BAZ2A: variants seen among roughly 807,000 people sequenced by gnomAD.
BAZ2A encodes the protein bromodomain adjacent to zinc finger domain 2A.
In BAZ2A, 34 loss-of-function variants were observed where a neutral mutation model predicts 199.9. The observed-to-expected ratio is 0.17, with a 90% CI of 0.13 to 0.23. BAZ2A has a LOEUF of 0.23. BAZ2A is among the 10% of genes least tolerant of loss of function. The probability of loss-of-function intolerance (pLI) is 1.00; values close to 1 mark genes in which losing one functional copy is unlikely to be tolerated. For synonymous variants in BAZ2A, 857 were observed against 883.9 expected (o/e 0.97, Z 0.54); for missense variants, 2,002 against 2,391.1 (o/e 0.84, Z 3.39).
chr12:56,624,237 T>C (rs1416995048), intron 1 of BAZ2A, among the ~76,000 whole-genome samples: 1 of 152,088 alleles, frequency 6.6e-6, no homozygotes, highest in Non-Finnish European at 1.5e-5. Context: ...GCTCAAAATA[T>C]CCATCCTCTC....
chr12:56,601,373 A>C lies in BAZ2A; in HGVS notation c.4101T>G (p.Cys1367Trp), dbSNP rs1338884362. The change falls in exon 21 of 29, where the codon TGT (cysteine) becomes TGG (tryptophan). Residue 1367 changes from cysteine (C) to tryptophan (W), a missense_variant. Transcript: ENST00000549884. The part of the protein sequence containing the change: ...PMNRPSAANP[C>W]SPVQFSSTPL... ...GCGTGGAAGAGAACTGCACTGGAGA[A>C]CAAGGGTTGGCAGCACTAGGTCTAT... 5.6e-6 allele frequency: 9 copies of C among 1,613,806 alleles called. No homozygotes were observed. Among genetic ancestry groups the C allele is most frequent in the African/African-American group, 5.3e-5 (4 of 74,950 alleles).
chr12:56,623,864 T>A (rs1014754366), intron 1 of BAZ2A, among the ~76,000 whole-genome samples: 2 of 152,118 alleles, frequency 1.3e-5, no homozygotes, highest in African/African-American at 4.8e-5. Flanking sequence ...CTTGGGAAAG[T>A]TCCAAGTTTT....
rs367566198 is a variant in BAZ2A at position 56,628,060 on chromosome 12, T to C, written c.-3+2065A>G. 7.4e-5 allele frequency among the ~76,000 whole-genome samples: 11 copies of C among 147,818 alleles called. No individual in the cohort carries two copies. The South Asian group carries it at 1.1e-3, about 14-fold the overall frequency. ...AGCTGGATGCGGTGGCGGGCTCCTG[T>C]AATCCCAGCTACTCGGGAGGCTGAG... On this transcript the variant is annotated intron_variant, in intron 1 of 28. Coordinates refer to ENST00000549884, the MANE Select transcript of BAZ2A (RefSeq NM_001300905.2).
chr12:56,599,910 C>T lies in BAZ2A; in HGVS notation c.5025+54G>A, dbSNP rs80093817. The T allele has an allele frequency of 7.8e-4, 1,258 of 1,613,190 alleles. 12 individuals carry two copies. The African/African-American group carries it at 0.015, about 19-fold the overall frequency. ...CAGCCTCTACCTGCCAGTGACCCCA[C>T]CCCGCCCCTGCTGGCTGGCCCCTCA... On this transcript the variant is annotated intron_variant, in intron 25 of 28. Coordinates refer to ENST00000549884, the MANE Select transcript of BAZ2A (RefSeq NM_001300905.2).
rs769248922 is a variant in BAZ2A, at chr12:56,605,989, T to C, written c.2334A>G (p.Val778=). 3.9e-6 allele frequency: 6 copies of C among 1,552,330 alleles called. No homozygotes were observed. The highest frequency in any genetic ancestry group is 3.9e-5 in the Admixed American group (2 of 50,992). The change falls in exon 13 of 29, where the codon GTA becomes GTG. Residue 778 remains valine, a synonymous_variant. Coordinates refer to ENST00000549884, the MANE Select transcript of BAZ2A (RefSeq NM_001300905.2). ...EKVKREKKEK[V]KMKEKEEVTK... ...TCACCTCCTCCTTTTCCTTCATTTT[T>C]ACCTTCTCCTTCTTTTCCCTCTTGA... is the stretch of plus-strand genomic sequence containing the variant.
chr12:56,625,357 T>C (rs968480038), intron 1 of BAZ2A, among the ~76,000 whole-genome samples: 4 of 151,770 alleles, frequency 2.6e-5, no homozygotes, highest in Admixed American at 6.6e-5. Context: ...GGTTTCACCA[T>C]GTTGGTCAGG....
At chr12:56,616,211 T>G (rs2137085719) in intron 2 of BAZ2A, among the ~76,000 whole-genome samples, 1 of 152,228 alleles carries the variant, frequency 6.6e-6, no homozygotes, top group African/African-American at 2.4e-5. Context: ...TTTTTTTTTG[T>G]TTTTAATTAA....
upstream of BAZ2A, among the ~76,000 whole-genome samples, chr12:56,634,037 C>T (rs993872193): frequency 6.6e-6 from 1 of 152,182 alleles, no homozygotes; most frequent in East Asian, 1.9e-4. Context: ...CGGCCCCCTT[C>T]TCCCCTTTAA....
chr12:56,602,831 C>T lies in BAZ2A; in HGVS notation c.3306G>A (p.Leu1102=). 6.2e-7 allele frequency: 1 copy of T among 1,612,576 alleles called. No homozygotes were observed. The highest frequency in any genetic ancestry group is 1.3e-5 in the African/African-American group (1 of 75,008). ...CCCGAAGCATCTGGGATGAGTGAAG[C>T]AGCTTTTTGCGAAAGAAAAGCTGAC... ...SKRQLFFRKK[L]LHSSQMLRAV... The change falls in exon 19 of 29, where the codon CTG becomes CTA. Residue 1102 remains leucine, a synonymous_variant. Coordinates refer to ENST00000549884, the MANE Select transcript of BAZ2A (RefSeq NM_001300905.2).
At chr12:56,624,781 G>A (rs1951027748) in intron 1 of BAZ2A, among the ~76,000 whole-genome samples, 1 of 152,126 alleles carries the variant, frequency 6.6e-6, no homozygotes, top group Admixed American at 6.5e-5. Context: ...AATTAGCTAG[G>A]CATGGTGGCA....
Position 56,600,817 on chromosome 12 carries a change from G to A in BAZ2A, c.4466C>T (p.Pro1489Leu). 1 of 1,613,784 alleles carries A rather than the reference G, an allele frequency of 6.2e-7. No homozygotes were observed. Among genetic ancestry groups the A allele is most frequent in the South Asian group, 1.1e-5 (1 of 91,066 alleles). Residue 1489 changes from proline (P) to leucine (L), a missense_variant, in exon 23 of 29, where the codon CCC becomes CTC. Transcript: ENST00000549884. The stretch of plus-strand genomic sequence containing the variant: ...TTCTTGAAAGGCAGGTAGTTGCCTG[G>A]GCTCAAAGATGGGGTCTGAGAAGAG... The part of the protein sequence containing the change: ...LRPSADPIFE[P>L]RQLPAFQEGI...
At position 56,611,778 on chromosome 12, in the gene BAZ2A, C is replaced by T; in HGVS notation, c.1604G>A (p.Gly535Asp). ...AATAGAATCTGGATACTCACCACTA[C>T]CAGAAGCAGTGAGTCCTTCTCCAGT... ...EITGEGLTAS[G>D]SGDVMRRRIA... Residue 535 changes from glycine (G) to aspartate (D), a missense_variant, in exon 6 of 29, where the codon GGT (glycine) becomes GAT (aspartate). Gly to Asp is a moderately conservative substitution (Grantham distance 94, BLOSUM62 -1). Coordinates refer to ENST00000549884, the MANE Select transcript of BAZ2A (RefSeq NM_001300905.2). The T allele has an allele frequency of 6.5e-7, 1 of 1,532,546 alleles. No homozygotes were observed. The highest frequency in any genetic ancestry group is 8.8e-7 in the Non-Finnish European group (1 of 1,141,942). 94.9% of individuals were successfully genotyped at this position (1,532,546 alleles called of 1,614,324 possible).
At chr12:56,621,048 G>C in intron 1 of BAZ2A, 1 of 984,760 alleles carries the variant, frequency 1.0e-6, no homozygotes, top group Non-Finnish European at 1.2e-6. Context: ...CAGAAGTCCT[G>C]GAAATACTAT....
At chr12:56,602,243 G>T in intron 19 of BAZ2A, 51 bp from the exon 20 acceptor site, 2 of 1,439,546 alleles carry the variant, frequency 1.4e-6, no homozygotes, top group Non-Finnish European at 1.9e-6. Flanking sequence ...CAAGGGAAAA[G>T]TAAGAGGGTA....
In BAZ2A at chr12:56,606,014, A is replaced by G. The variant is rs1565815320; in HGVS notation, c.2309T>C (p.Val770Ala). 1 of 1,551,046 alleles carries G rather than the reference A, an allele frequency of 6.4e-7. No individual in the cohort carries two copies. The highest frequency in any genetic ancestry group is 8.7e-7 in the Non-Finnish European group (1 of 1,146,906). Reference sequence around the variant, plus strand: ...TACCTTCTCCTTCTTTTCCCTCTTGACTTTTTCCTTCAGTTTTTCCTGCTT... The same window carrying G: ...TACCTTCTCCTTCTTTTCCCTCTTGGCTTTTTCCTTCAGTTTTTCCTGCTT... ...KTKQEKLKEK[V>A]KREKKEKVKM... Residue 770 changes from valine to alanine, a missense_variant, in exon 13 of 29, where the codon GTC (valine) becomes GCC (alanine). Val to Ala is a moderately conservative substitution (Grantham distance 64). Coordinates refer to ENST00000549884, the MANE Select transcript of BAZ2A (RefSeq NM_001300905.2).
At chr12:56,616,632 G>C (rs1950732841) in intron 2 of BAZ2A, among the ~76,000 whole-genome samples, 1 of 152,186 alleles carries the variant, frequency 6.6e-6, no homozygotes, top group Non-Finnish European at 1.5e-5. Context: ...GGAAGCTTGA[G>C]GGTAGGGTGG....
upstream of BAZ2A, among the ~76,000 whole-genome samples, chr12:56,631,637 A>G (rs114466783): frequency 8.0e-3 from 1,211 of 152,258 alleles, 14 homozygotes; most frequent in African/African-American, 0.028. Flanking sequence ...TTCCCATTTA[A>G]TTCAATGCAA....
At chr12:56,611,348 A>C in intron 7 of BAZ2A, 1 of 595,096 alleles carries the variant, frequency 1.7e-6, no homozygotes, top group African/African-American at 1.9e-5. Context: ...TTGAGTCACT[A>C]CAAGATGAAA....
At chr12:56,604,145 C>G in intron 16 of BAZ2A, 72 bp downstream of exon 16, 1 of 1,453,888 alleles carries the variant, frequency 6.9e-7, no homozygotes, top group South Asian at 1.2e-5. Context: ...CATTTCAAGC[C>G]AAAACCCTGG....
Sources: allele counts gnomAD v4.1 joint callset (sites outside exome capture counted in the v4.1 genomes callset), GRCh38; gene constraint gnomAD v4.1.1; transcripts MANE v1.5; gene names NCBI Gene and HGNC (gene_info 2026-07-23, HGNC 2026-07-21).